Variants in FHIT observed in about 807,000 individuals in gnomAD.
FHIT encodes the protein bis(5'-adenosyl)-triphosphatase.
Under a neutral mutation model 17.9 loss-of-function variants are expected in FHIT, and 19 were observed. The ratio of observed to expected loss-of-function variants is 1.06; its 90% confidence interval spans 0.74 to 1.56. The LOEUF is 1.56. Among genes scored for constraint, FHIT ranks in the 40% most tolerant of loss-of-function variants. The probability of loss-of-function intolerance (pLI) is 0.00; values close to 1 mark genes in which losing one functional copy is unlikely to be tolerated. For missense variants in FHIT, 248 were observed against 189.2 expected (o/e 1.31, Z -1.82); for synonymous variants, 81 against 69.7 (o/e 1.16, Z -0.81).
At chr3:60,190,360 A>G (rs1402877445) in intron 5 of FHIT, among the ~76,000 whole-genome samples, 1 of 152,100 alleles carries the variant, frequency 6.6e-6, no homozygotes, top group Non-Finnish European at 1.5e-5. Context: ...AGACCAGAAA[A>G]AAAAAAAAGA....
At chr3:60,110,516 A>G (rs2107176802) in intron 5 of FHIT, among the ~76,000 whole-genome samples, 1 of 152,282 alleles carries the variant, frequency 6.6e-6, no homozygotes, top group Admixed American at 6.5e-5. Flanking sequence ...AGTGATGTAA[A>G]ACAGGTGTGA....
At chr3:60,599,115 C>A (rs560120151) in intron 4 of FHIT, among the ~76,000 whole-genome samples, 3 of 152,230 alleles carry the variant, frequency 2.0e-5, no homozygotes, top group South Asian at 2.1e-4. Context: ...GGGTGCCTAC[C>A]AAAAACTTGA....
intron 3 of FHIT, among the ~76,000 whole-genome samples, chr3:61,000,976 A>G (rs1408879060): frequency 6.6e-6 from 1 of 151,946 alleles, no homozygotes; most frequent in Non-Finnish European, 1.5e-5. Flanking sequence ...AAAAAAAAAC[A>G]ATAAACAGTT....
chr3:60,445,422 A>T (rs556808527), intron 5 of FHIT, among the ~76,000 whole-genome samples: 8 of 152,184 alleles, frequency 5.3e-5, no homozygotes, highest in African/African-American at 1.7e-4. Flanking sequence ...AAAGGTCATC[A>T]AAGAAAGCAC....
intron 3 of FHIT, chr3:60,856,614 T>C (rs1703397456): frequency 6.6e-6 from 1 of 152,112 alleles, no homozygotes; most frequent in South Asian, 2.1e-4. Context: ...TTCAAAGTGA[T>C]CTTTTAAAGA....
At chr3:60,768,923 A>G (rs1054843245) in intron 4 of FHIT, among the ~76,000 whole-genome samples, 1 of 152,240 alleles carries the variant, frequency 6.6e-6, no homozygotes, top group Admixed American at 6.5e-5. Flanking sequence ...TATGGACCCC[A>G]TCTATCATAG....
At chr3:60,218,750 C>A (rs1041810749) in intron 5 of FHIT, among the ~76,000 whole-genome samples, 10 of 151,948 alleles carry the variant, frequency 6.6e-5, no homozygotes, top group African/African-American at 2.4e-4. Context: ...GCCTTAGTTA[C>A]TATTATTATT....
chr3:61,018,357 C>G (rs1307548473), intron 3 of FHIT, among the ~76,000 whole-genome samples: 2 of 152,206 alleles, frequency 1.3e-5, no homozygotes, highest in East Asian at 3.8e-4. Context: ...ACCTTCACTT[C>G]TGAGCAAATA....
At position 60,487,143 on chromosome 3, in the gene FHIT, G is replaced by A. The variant is rs376575878; in HGVS notation, c.103+49717C>T. The stretch of plus-strand genomic sequence containing the variant: ...TGCAGAAAGGTTTGGTGACTTGATC[G>A]CAAGAACCTGGCTAGTAAGGGACTG... On this transcript the variant is annotated intron_variant, in intron 5 of 9. Transcript: ENST00000492590. 6.6e-5 allele frequency among the ~76,000 whole-genome samples: 10 copies of A among 152,236 alleles called. No homozygotes were observed. The South Asian group carries it at 1.9e-3, about 28-fold the overall frequency.
chr3:60,593,019 G>A (rs527665867), intron 4 of FHIT, among the ~76,000 whole-genome samples: 1 of 152,204 alleles, frequency 6.6e-6, no homozygotes, highest in Admixed American at 6.5e-5. Context: ...CAAATTGATG[G>A]CACAGACAGG....
rs201709341 is a variant in FHIT at position 60,659,770 on chromosome 3, G to T, written c.-17-122791C>A. On this transcript the variant is annotated intron_variant, in intron 4 of 9. Transcript: ENST00000492590. ...TAGATCCACAATTATAACTTTTTCA[G>T]GGACAGACCTCGTTGGTTCATTTTC... Among the ~76,000 whole-genome samples, 12 of 151,976 alleles carry T rather than the reference G, an allele frequency of 7.9e-5. No individual in the cohort carries two copies. The East Asian group carries it at 2.3e-3, about 29-fold the overall frequency.
intron 2 of FHIT, among the ~76,000 whole-genome samples, chr3:61,042,372 C>T (rs1230917568): frequency 6.6e-6 from 1 of 152,126 alleles, no homozygotes; most frequent in Non-Finnish European, 1.5e-5. Context: ...AGGATTGAAA[C>T]TTAAAGTGTT....
intron 3 of FHIT, among the ~76,000 whole-genome samples, chr3:61,040,819 T>C (rs1168902854): frequency 1.3e-5 from 2 of 152,178 alleles, no homozygotes; most frequent in Non-Finnish European, 2.9e-5. Context: ...ACTTATACCT[T>C]ATTCCCCCGA....
chr3:61,233,304 A>T (rs1219126205), intron 1 of FHIT, among the ~76,000 whole-genome samples: 1 of 151,668 alleles, frequency 6.6e-6, no homozygotes, highest in Non-Finnish European at 1.5e-5. Flanking sequence ...AAATTTTTTT[A>T]ATCTACATGT....
At chr3:60,953,601 A>C (rs978246910) in intron 3 of FHIT, among the ~76,000 whole-genome samples, 44 of 152,234 alleles carry the variant, frequency 2.9e-4, no homozygotes, top group African/African-American at 9.6e-4. Flanking sequence ...CTATCAGCTA[A>C]ATTTAGCTCC....
intron 5 of FHIT, among the ~76,000 whole-genome samples, chr3:60,024,869 G>C (rs1700681602): frequency 6.6e-6 from 1 of 152,234 alleles, no homozygotes. Flanking sequence ...ATTTCGGAGA[G>C]TGGAGATGTA....
chr3:60,584,240 T>C (rs1438774993), intron 4 of FHIT, among the ~76,000 whole-genome samples: 2 of 152,036 alleles, frequency 1.3e-5, no homozygotes, highest in Non-Finnish European at 2.9e-5. Flanking sequence ...GGTGGGAGCA[T>C]CAGCACCACA....
chr3:60,728,611 T>C (rs951043396), intron 4 of FHIT, among the ~76,000 whole-genome samples: 3 of 152,064 alleles, frequency 2.0e-5, no homozygotes, highest in Admixed American at 6.6e-5. Flanking sequence ...AAATTGTTTA[T>C]TGTTTATTTA....
chr3:60,760,184 C>A (rs1435683275), intron 4 of FHIT, among the ~76,000 whole-genome samples: 2 of 152,144 alleles, frequency 1.3e-5, no homozygotes, highest in Non-Finnish European at 2.9e-5. Context: ...GGGAGAGGAA[C>A]CCAAATGATG....
Sources: gnomAD v4.1 joint callset for allele counts (sites outside exome capture counted in the v4.1 genomes callset) on GRCh38, gnomAD v4.1.1 for gene constraint, MANE v1.5 for transcripts, NCBI Gene and HGNC (gene_info 2026-07-23, HGNC 2026-07-21) for gene names.